LURAP1L: variants seen among roughly 807,000 people sequenced by gnomAD.
LURAP1L encodes the protein leucine rich adaptor protein 1 like.
Under a neutral mutation model 13.8 loss-of-function variants are expected in LURAP1L, and 12 were observed. That is an observed-to-expected ratio of 0.87 (90% CI 0.56 to 1.41). The LOEUF is 1.41. LURAP1L is among the 40% of genes most tolerant of loss of function. LURAP1L has a pLI of 0.00. For missense variants in LURAP1L, 375 were observed against 292.9 expected (o/e 1.28, Z -2.04); for synonymous variants, 139 against 119.2 (o/e 1.17, Z -1.08).
chr9:12,793,047 C>T (rs1274257546), intron 1 of LURAP1L, among the ~76,000 whole-genome samples: 8 of 152,040 alleles, frequency 5.3e-5, no homozygotes, highest in Non-Finnish European at 8.8e-5. Flanking sequence ...ATAAGAAGGA[C>T]GATTTTGGTA....
intron 1 of LURAP1L, among the ~76,000 whole-genome samples, chr9:12,799,995 T>C (rs1819562640): frequency 6.6e-6 from 1 of 152,130 alleles, no homozygotes; most frequent in African/African-American, 2.4e-5. Context: ...AATTAACATA[T>C]ATATTATCTC....
intron 1 of LURAP1L, among the ~76,000 whole-genome samples, chr9:12,801,457 T>C (rs1819584617): frequency 6.6e-6 from 1 of 152,126 alleles, no homozygotes; most frequent in Non-Finnish European, 1.5e-5. Context: ...TATGTACATA[T>C]ATGCATGTAA....
intron 1 of LURAP1L, among the ~76,000 whole-genome samples, chr9:12,819,912 C>T (rs1403065404): frequency 6.6e-6 from 1 of 151,996 alleles, no homozygotes; most frequent in Non-Finnish European, 1.5e-5. Flanking sequence ...CAAGATTGAG[C>T]CACTGCACTC....
chr9:12,821,308 A>C, intron 1 of LURAP1L, 78 bp from the exon 2 acceptor site: 1 of 1,466,542 alleles, frequency 6.8e-7, no homozygotes. Flanking sequence ...GAACTGCAGC[A>C]GACAGTCCCC....
At position 12,775,912 on chromosome 9, in the gene LURAP1L, C is replaced by A; in HGVS notation, c.197C>A (p.Pro66His). ...CSSSSSYCSF[P>H]PSLSSSSSSS... Reference sequence around the variant, plus strand: ...AGCAGCAGCAGCTACTGCAGCTTCCCTCCCTCCTTGTCGTCCTCCTCTTCG... The same window carrying A: ...AGCAGCAGCAGCTACTGCAGCTTCCATCCCTCCTTGTCGTCCTCCTCTTCG... The change falls in exon 1 of 2, where the codon CCT (proline) becomes CAT (histidine). Residue 66 changes from proline (P) to histidine (H), a missense_variant. Pro to His is a moderately conservative substitution (Grantham distance 77). Coordinates refer to ENST00000319264, the MANE Select transcript of LURAP1L (RefSeq NM_203403.2). The A allele has an allele frequency of 6.4e-7, 1 of 1,566,604 alleles. No individual in the cohort carries two copies. The highest frequency in any genetic ancestry group is 2.4e-5 in the East Asian group (1 of 41,916).
intron 1 of LURAP1L, among the ~76,000 whole-genome samples, chr9:12,808,390 C>G (rs898419385): frequency 1.3e-5 from 2 of 152,068 alleles, no homozygotes; most frequent in Non-Finnish European, 2.9e-5. Flanking sequence ...GTGTATAGTT[C>G]AGTGGCATTA....
intron 1 of LURAP1L, among the ~76,000 whole-genome samples, chr9:12,808,242 C>A (rs1409105039): frequency 1.3e-5 from 2 of 151,844 alleles, no homozygotes; most frequent in African/African-American, 4.8e-5. Context: ...TAAAATATTA[C>A]TTGCAAGGCA....
chr9:12,798,418 T>A (rs1819538301), intron 1 of LURAP1L, among the ~76,000 whole-genome samples: 1 of 152,228 alleles, frequency 6.6e-6, no homozygotes, highest in South Asian at 2.1e-4. Context: ...TATATTTTAA[T>A]AGCACATTTT....
intron 1 of LURAP1L, among the ~76,000 whole-genome samples, chr9:12,798,395 A>G (rs1380906761): frequency 1.3e-5 from 2 of 152,240 alleles, no homozygotes; most frequent in African/African-American, 2.4e-5. Context: ...ACATACTAGC[A>G]AACTACAAGT....
At chr9:12,815,123 G>A (rs891535404) in intron 1 of LURAP1L, among the ~76,000 whole-genome samples, 18 of 152,136 alleles carry the variant, frequency 1.2e-4, no homozygotes, top group African/African-American at 4.1e-4. Context: ...GAAAACAGAG[G>A]AGTGATTTAT....
At chr9:12,792,119 T>C (rs562878453) in intron 1 of LURAP1L, among the ~76,000 whole-genome samples, 8 of 152,168 alleles carry the variant, frequency 5.3e-5, no homozygotes, top group Non-Finnish European at 1.2e-4. Flanking sequence ...ACAAATCATC[T>C]TTTCAGCCAG....
chr9:12,776,116 G>T (rs574948841), intron 1 of LURAP1L, 89 bp downstream of exon 1: 1 of 1,310,236 alleles, frequency 7.6e-7, no homozygotes, highest in Admixed American at 2.1e-5. Flanking sequence ...AGAGAGGACG[G>T]CAGGGGCTGC....
At chr9:12,794,621 A>G (rs1467180885) in intron 1 of LURAP1L, among the ~76,000 whole-genome samples, 1 of 152,034 alleles carries the variant, frequency 6.6e-6, no homozygotes, top group Admixed American at 6.6e-5. Flanking sequence ...TGCCTCAGCC[A>G]AAAATCTTGT....
chr9:12,803,821 A>G (rs938558716), intron 1 of LURAP1L, among the ~76,000 whole-genome samples: 2 of 152,238 alleles, frequency 1.3e-5, no homozygotes, highest in Admixed American at 6.5e-5. Flanking sequence ...GAGATAAAGC[A>G]TAAAAATTTA....
chr9:12,821,755 G>T lies in LURAP1L; in HGVS notation c.682G>T (p.Gly228Cys), dbSNP rs140682520. Residue 228 changes from glycine (G) to cysteine (C), a missense_variant, in exon 2 of 2, where the codon GGC becomes TGC. Physicochemically the swap from Gly to Cys is radical, Grantham distance 159. Transcript: ENST00000319264. ...ATTGGATTCTGAATACTACTGCTTT[G>T]GCTAGTGACAGTTTTTTGCATGGGA... The part of the protein sequence containing the change: ...PKLDSEYYCF[G>C] The T allele has an allele frequency of 8.4e-4, 1,358 of 1,607,420 alleles. 1 individual carries two copies. Among genetic ancestry groups the T allele is most frequent in the Non-Finnish European group, 9.9e-4 (1,168 of 1,174,720 alleles).
Position 12,821,979 on chromosome 9 carries a change from T to C in LURAP1L, c.*219T>C. On this transcript the variant is annotated 3_prime_UTR_variant, in exon 2 of 2. Coordinates refer to ENST00000319264, the MANE Select transcript of LURAP1L (RefSeq NM_203403.2). ...CTCTATTTTTTATTTATTACAATGA[T>C]TTTCTCCCTTCTTTTACAGTAGCAC... The C allele has an allele frequency of 2.2e-6, 1 of 460,078 alleles. No homozygotes were observed. Among genetic ancestry groups the C allele is most frequent in the East Asian group, 3.4e-5 (1 of 29,544 alleles). 28.5% of individuals were successfully genotyped at this position (460,078 alleles called of 1,614,324 possible).
In LURAP1L at chr9:12,786,581, T is replaced by TATATATATATAAAC. The variant is rs61134838; in HGVS notation, c.312+10555_312+10556insTATATATATAAACA. 8.0e-3 allele frequency among the ~76,000 whole-genome samples: 966 copies of TATATATATATAAAC among 121,108 alleles called. 16 individuals are homozygous for TATATATATATAAAC. The highest frequency in any genetic ancestry group is 0.014 in the Non-Finnish European group (762 of 54,994). 79.5% of individuals were successfully genotyped at this position (121,108 alleles called of 152,430 possible). A position where few individuals can be genotyped will look rare whatever the true frequency, so the allele number is the denominator to read the frequency against. ...ATATATATATATATATATATATATATAAACCCTTGTGCCTTAAGTCTGTAT... is the reference window on the plus strand; with the variant it reads ...ATATATATATATATATATATATATATATATATATATAAACAAACCCTTGTGCCTTAAGTCTGTAT... On this transcript the variant is annotated intron_variant, in intron 1 of 1. Transcript: ENST00000319264.
chr9:12,799,743 A>G (rs1208226644), intron 1 of LURAP1L, among the ~76,000 whole-genome samples: 3 of 152,030 alleles, frequency 2.0e-5, no homozygotes, highest in East Asian at 1.9e-4. Flanking sequence ...GCCAGGTGGC[A>G]GGCGTCTGTA....
Position 12,775,906 on chromosome 9 carries a change from G to T in LURAP1L, c.191G>T (p.Ser64Ile), listed in dbSNP as rs985183267. 6.4e-6 allele frequency: 10 copies of T among 1,568,116 alleles called. No individual in the cohort carries two copies. Among genetic ancestry groups the T allele is most frequent in the Non-Finnish European group, 8.6e-6 (10 of 1,156,216 alleles). The change falls in exon 1 of 2, where the codon AGC becomes ATC. Residue 64 changes from serine (S) to isoleucine (I), a missense_variant. Physicochemically the swap from Ser to Ile is moderately radical, Grantham distance 142 (BLOSUM62 -2). Transcript: ENST00000319264. The stretch of plus-strand genomic sequence containing the variant: ...TGCAGTAGCAGCAGCAGCTACTGCA[G>T]CTTCCCTCCCTCCTTGTCGTCCTCC... ...GGCSSSSSYCSFPPSLSSSSS... is the reference protein window; with the variant it reads ...GGCSSSSSYCIFPPSLSSSSS...
Sources: gnomAD v4.1 joint callset for allele counts (sites outside exome capture counted in the v4.1 genomes callset) on GRCh38, gnomAD v4.1.1 for gene constraint, MANE v1.5 for transcripts, NCBI Gene and HGNC (gene_info 2026-07-23, HGNC 2026-07-21) for gene names.